DOCK4: variants seen among roughly 807,000 people sequenced by gnomAD.
DOCK4 encodes the protein dedicator of cytokinesis protein 4.
DOCK4 carries 97 observed loss-of-function variants against 268.1 expected under a neutral mutation model. The observed-to-expected ratio is 0.36, with a 90% CI of 0.31 to 0.43. The LOEUF (loss-of-function observed/expected upper bound fraction) is 0.43. DOCK4 is among the 20% of genes least tolerant of loss of function. The probability of loss-of-function intolerance (pLI) is 1.00; values close to 1 mark genes in which losing one functional copy is unlikely to be tolerated. For synonymous variants in DOCK4, 954 were observed against 887.2 expected, an observed-to-expected ratio of 1.08 and a Z score of -1.34; for missense variants, 2,145 against 2,455.7, an observed-to-expected ratio of 0.87 and a Z score of 2.67.
In DOCK4 at chr7:112,189,746, G is replaced by GTTTTTTTTT. The variant is rs57399750; in HGVS notation, c.37+16347_37+16355dup. Among the ~76,000 whole-genome samples the GTTTTTTTTT allele has an allele frequency of 4.9e-4, 47 of 95,792 alleles. 1 individual carries two copies. The highest frequency in any genetic ancestry group is 6.3e-4 in the African/African-American group (15 of 23,664). 62.8% of individuals were successfully genotyped at this position (95,792 alleles called of 152,430 possible). A position where few individuals can be genotyped will look rare whatever the true frequency, so the allele number is the denominator to read the frequency against. ...TGTTTTTATTCTCTGTCTGGGTTTT[G>GTTTTTTTTT]TTTTTTTTTTTTTTTTTTTTTGAGA... is the stretch of plus-strand genomic sequence containing the variant. On this transcript the variant is annotated intron_variant, in intron 1 of 52. Coordinates refer to ENST00000428084, the MANE Select transcript of DOCK4 (RefSeq NM_001363540.2).
At chr7:112,113,782 G>T (rs2115748912) in intron 1 of DOCK4, among the ~76,000 whole-genome samples, 2 of 75,058 alleles carry the variant, frequency 2.7e-5, no homozygotes, top group African/African-American at 4.8e-5. Flanking sequence ...TTTTTTTGTA[G>T]AGACAGTCTT....
intron 8 of DOCK4, among the ~76,000 whole-genome samples, chr7:111,962,974 C>A (rs2134999790): frequency 6.6e-6 from 1 of 152,234 alleles, no homozygotes; most frequent in East Asian, 1.9e-4. Context: ...CATGAGCAGC[C>A]CTATGCCAGC....
intron 1 of DOCK4, among the ~76,000 whole-genome samples, chr7:112,040,385 G>C (rs1804247350): frequency 6.6e-6 from 1 of 152,098 alleles, no homozygotes. Context: ...AGAAATACTA[G>C]ACAGCATTAA....
At chr7:111,828,872 ATG>A (rs933948555) in intron 26 of DOCK4, among the ~76,000 whole-genome samples, 323 of 134,260 alleles carry the variant, frequency 2.4e-3, no homozygotes, top group African/African-American at 8.3e-3. Context: ...AACACTAAAA[ATG>A]TGTGTGTGTG....
At chr7:111,997,485 C>T (rs894765925) in intron 4 of DOCK4, among the ~76,000 whole-genome samples, 1 of 152,180 alleles carries the variant, frequency 6.6e-6, no homozygotes, top group African/African-American at 2.4e-5. Context: ...ACCATAGACT[C>T]TTAGCCACAT....
intron 1 of DOCK4, among the ~76,000 whole-genome samples, chr7:112,198,148 AG>A (rs1433408408): frequency 6.6e-6 from 1 of 151,852 alleles, no homozygotes; most frequent in Non-Finnish European, 1.5e-5. Flanking sequence ...GGACTTGGGG[AG>A]GTAATTAGGC....
chr7:111,760,030 G>T, intron 40 of DOCK4, 151 bp downstream of exon 40: 1 of 960,902 alleles, frequency 1.0e-6, no homozygotes, highest in Non-Finnish European at 1.5e-6. Context: ...TTCAGAAGGA[G>T]TTAAGCTAAA....
At chr7:112,059,756 G>A (rs569761034) in intron 1 of DOCK4, among the ~76,000 whole-genome samples, 2 of 152,176 alleles carry the variant, frequency 1.3e-5, no homozygotes, top group Non-Finnish European at 2.9e-5. Context: ...ATGGAATGTG[G>A]AGACTGATAA....
chr7:112,159,414 T>C (rs1342585407), intron 1 of DOCK4, among the ~76,000 whole-genome samples: 1 of 152,134 alleles, frequency 6.6e-6, no homozygotes, highest in Non-Finnish European at 1.5e-5. Flanking sequence ...CTCAAATGCA[T>C]TCATAGCCCA....
In DOCK4 at chr7:111,926,930, G is replaced by A. The variant is rs570103768; in HGVS notation, c.1066+8610C>T. ...GAAAGAAAAAAAGAAAAAGAACGGAGGAAGGAAGACAGGAAGAAAGAAAAC... is the reference window on the plus strand; with the variant it reads ...GAAAGAAAAAAAGAAAAAGAACGGAAGAAGGAAGACAGGAAGAAAGAAAAC... On this transcript the variant is annotated intron_variant, in intron 12 of 52. Coordinates refer to ENST00000428084, the MANE Select transcript of DOCK4 (RefSeq NM_001363540.2). Among the ~76,000 whole-genome samples the A allele has an allele frequency of 2.0e-5, 3 of 151,938 alleles. No individual in the cohort carries two copies. In the East Asian group the frequency reaches 5.8e-4, roughly 29 times the overall value.
intron 41 of DOCK4, among the ~76,000 whole-genome samples, chr7:111,757,441 T>C (rs753074092): frequency 6.6e-6 from 1 of 152,170 alleles, no homozygotes; most frequent in Non-Finnish European, 1.5e-5. Context: ...TAAAAGCAAC[T>C]GCAAGAAGAA....
Position 112,048,278 on chromosome 7 carries a change from G to A in DOCK4, c.38-44147C>T, listed in dbSNP as rs7802766. ...AAAATATAAAAGAGAAAGGCTGGAC[G>A]TGGTGGCTCACGCCTAGCACTTTGG... On this transcript the variant is annotated intron_variant, in intron 1 of 52. Transcript: ENST00000428084. 8.1e-3 allele frequency among the ~76,000 whole-genome samples: 1,234 copies of A among 151,516 alleles called. 8 individuals are homozygous for A. Among genetic ancestry groups the A allele is most frequent in the Admixed American group, 0.016 (241 of 15,166 alleles).
At chr7:112,103,529 C>G (rs953805257) in intron 1 of DOCK4, among the ~76,000 whole-genome samples, 2 of 152,178 alleles carry the variant, frequency 1.3e-5, no homozygotes, top group African/African-American at 4.8e-5. Flanking sequence ...CCCTTAAAAT[C>G]AAAGGTTCTG....
rs531909129 is a variant in DOCK4, at chr7:111,959,518, T to C, written c.702-13720A>G. ...AAATGATGTATGAGACGAGAAATAC[T>C]AGCACAGTGCAGGGAGTGAAAAAGC... On this transcript the variant is annotated intron_variant, in intron 8 of 52. Transcript: ENST00000428084. Among the ~76,000 whole-genome samples, 11 of 152,348 alleles carry C rather than the reference T, an allele frequency of 7.2e-5. No homozygotes were observed. The South Asian group carries it at 1.9e-3, about 26-fold the overall frequency.
intron 1 of DOCK4, among the ~76,000 whole-genome samples, chr7:112,107,390 T>C (rs2729565): frequency 0.051 from 7,771 of 152,106 alleles, 669 homozygotes; most frequent in African/African-American, 0.18. Context: ...GAAAAGACAC[T>C]AGGGAGGAAG....
chr7:112,162,234 C>A (rs1817192274), intron 1 of DOCK4, among the ~76,000 whole-genome samples: 1 of 152,090 alleles, frequency 6.6e-6, no homozygotes, highest in Non-Finnish European at 1.5e-5. Flanking sequence ...ATTCATTTGC[C>A]TGGAGTGGAA....
intron 10 of DOCK4, among the ~76,000 whole-genome samples, chr7:111,942,388 T>A (rs774945421): frequency 1.3e-4 from 20 of 152,218 alleles, no homozygotes; most frequent in Non-Finnish European, 4.4e-5. Flanking sequence ...GTAAGAAGTA[T>A]GTGTCCCTTG....
At chr7:111,988,161 T>G (rs1799197659) in intron 6 of DOCK4, among the ~76,000 whole-genome samples, 1 of 152,198 alleles carries the variant, frequency 6.6e-6, no homozygotes, top group Non-Finnish European at 1.5e-5. Flanking sequence ...TTTCCTTTTT[T>G]TTCTGTTGCC....
In DOCK4 at chr7:111,765,147, A is replaced by G; in HGVS notation, c.3991T>C (p.Tyr1331His). 1.3e-6 allele frequency: 2 copies of G among 1,537,176 alleles called. No individual in the cohort carries two copies. Among genetic ancestry groups the G allele is most frequent in the Non-Finnish European group, 1.7e-6 (2 of 1,144,992 alleles). The change falls in exon 39 of 53, where the codon TAT becomes CAT. Residue 1331 changes from tyrosine (Y) to histidine (H), a missense_variant. This residue lies in a region of DOCK4 where 1,598 missense variants were observed against 1,986.7 expected (regional missense o/e 0.80). Transcript: ENST00000428084. ...AAGAAAAATGGAAATTTTTTTCCAT[A>G]AAATCCAACTCTGAAGAACTCTGGT... is the stretch of plus-strand genomic sequence containing the variant. ...LEPEFFRVGF[Y>H]GKKFPFFLRN...
Sources: gnomAD v4.1 joint callset for allele counts (sites outside exome capture counted in the v4.1 genomes callset) on GRCh38, gnomAD v4.1.1 for gene constraint, gnomAD v4.1.1 regional missense constraint, MANE v1.5 for transcripts, NCBI Gene and HGNC (gene_info 2026-07-23, HGNC 2026-07-21) for gene names.